The following ADAMTS17 variants were observed in gnomAD, a reference collection of about 807,000 sequenced individuals.
ADAMTS17 encodes the protein ADAM metallopeptidase with thrombospondin type 1 motif 17, also known as A disintegrin and metalloproteinase with thrombospondin motifs 17.
In ADAMTS17, 113 loss-of-function variants were observed where a neutral mutation model predicts 141.5. The ratio of observed to expected loss-of-function variants is 0.80; its 90% CI spans 0.69 to 0.93. The LOEUF (loss-of-function observed/expected upper bound fraction) is 0.93, where lower values mean the gene tolerates loss of function less well. Among genes scored for constraint, ADAMTS17 ranks in the 40% least tolerant of loss-of-function variants. The pLI is 0.00. For missense variants in ADAMTS17, 1,659 were observed against 1,517.9 expected (o/e 1.09, Z -1.54); for synonymous variants, 768 against 630.6 (o/e 1.22, Z -3.27).
At chr15:100,068,546 A>T (rs2033727127) in intron 15 of ADAMTS17, among the ~76,000 whole-genome samples, 1 of 152,178 alleles carries the variant, frequency 6.6e-6, no homozygotes, top group Non-Finnish European at 1.5e-5. Context: ...TATCCCTCTG[A>T]GACAAAACTT....
intron 6 of ADAMTS17, among the ~76,000 whole-genome samples, chr15:100,258,281 A>G (rs1225783998): frequency 2.0e-5 from 3 of 152,186 alleles, no homozygotes; most frequent in African/African-American, 7.2e-5. Flanking sequence ...TGAGTTTTTG[A>G]GGTACCATCA....
In ADAMTS17 at chr15:100,228,575, G is replaced by A. The variant is rs984184610; in HGVS notation, c.1075+25561C>T. Among the ~76,000 whole-genome samples, 6 of 152,340 alleles carry A rather than the reference G, an allele frequency of 3.9e-5. No individual in the cohort carries two copies. In the East Asian group the frequency reaches 1.2e-3, roughly 29 times the overall value. ...AGAGTGAGCAGGTACATTTAGGGCA[G>A]GATGAGGACACAGACCCAGCCCAAG... On this transcript the variant is annotated intron_variant, in intron 7 of 21. Transcript: ENST00000268070.
intron 3 of ADAMTS17, among the ~76,000 whole-genome samples, chr15:100,285,696 C>T (rs1280639745): frequency 6.6e-6 from 1 of 152,206 alleles, no homozygotes; most frequent in African/African-American, 2.4e-5. Context: ...GATCCCATGA[C>T]CCGCACGAAT....
chr15:100,175,713 A>G (rs1416145389), intron 8 of ADAMTS17, among the ~76,000 whole-genome samples: 1 of 150,768 alleles, frequency 6.6e-6, no homozygotes, highest in Admixed American at 6.6e-5. Flanking sequence ...CTCAAATCTC[A>G]CCCTTCCTCA....
At chr15:100,139,908 A>C (rs558020744) in intron 10 of ADAMTS17, among the ~76,000 whole-genome samples, 1 of 152,188 alleles carries the variant, frequency 6.6e-6, no homozygotes, top group Admixed American at 6.5e-5. Context: ...GTGAAATCTA[A>C]ATGTATTTTA....
At chr15:100,178,565 C>G (rs953596864) in intron 8 of ADAMTS17, among the ~76,000 whole-genome samples, 2 of 152,110 alleles carry the variant, frequency 1.3e-5, no homozygotes, top group African/African-American at 4.8e-5. Flanking sequence ...TGTAGTTGTA[C>G]TTTTACCCAT....
At chr15:100,114,550 C>T (rs916553549) in intron 13 of ADAMTS17, among the ~76,000 whole-genome samples, 3 of 152,178 alleles carry the variant, frequency 2.0e-5, no homozygotes, top group Non-Finnish European at 4.4e-5. Context: ...CAGAGCAGGA[C>T]GTGTCGAGCT....
intron 8 of ADAMTS17, among the ~76,000 whole-genome samples, chr15:100,193,196 C>T (rs1175099094): frequency 2.0e-5 from 3 of 152,240 alleles, no homozygotes; most frequent in Non-Finnish European, 4.4e-5. Flanking sequence ...TTCTGCCCGG[C>T]CCATTATTCC....
chr15:100,333,692 T>G (rs2046123399), intron 2 of ADAMTS17, among the ~76,000 whole-genome samples: 1 of 152,172 alleles, frequency 6.6e-6, no homozygotes, highest in African/African-American at 2.4e-5. Context: ...TGAGCAGGGC[T>G]TCTTGGATCT....
chr15:100,101,556 C>T (rs1466287761), intron 14 of ADAMTS17, among the ~76,000 whole-genome samples: 1 of 152,202 alleles, frequency 6.6e-6, no homozygotes, highest in Non-Finnish European at 1.5e-5. Flanking sequence ...GAGTATGTGT[C>T]ATCTCCCTAA....
intron 7 of ADAMTS17, among the ~76,000 whole-genome samples, chr15:100,212,756 A>G (rs1421918814): frequency 3.3e-5 from 5 of 152,094 alleles, no homozygotes; most frequent in African/African-American, 1.2e-4. Flanking sequence ...ACTAACCGAC[A>G]CATAGAAAAC....
intron 18 of ADAMTS17, among the ~76,000 whole-genome samples, chr15:100,030,233 A>G (rs2727176): frequency 0.1 from 15,616 of 152,176 alleles, 2,173 homozygotes; most frequent in African/African-American, 0.32. Context: ...GTGGAAGGAA[A>G]ACACGACTGA....
At position 100,174,569 on chromosome 15, in the gene ADAMTS17, A is replaced by G. The variant is rs571622314; in HGVS notation, c.1182-19249T>C. 1.4e-4 allele frequency among the ~76,000 whole-genome samples: 21 copies of G among 152,328 alleles called. No homozygotes were observed. The East Asian group carries it at 4.0e-3, about 29-fold the overall frequency. ...TAAATATACTTTTGAGGCTCTTCTA[A>G]AGCAATACTTTTTTACCTTAAACAA... On this transcript the variant is annotated intron_variant, in intron 8 of 21. Transcript: ENST00000268070.
chr15:100,205,001 C>T (rs1444358322), intron 7 of ADAMTS17, among the ~76,000 whole-genome samples: 3 of 152,138 alleles, frequency 2.0e-5, no homozygotes, highest in Non-Finnish European at 2.9e-5. Flanking sequence ...TGTTGTAACG[C>T]CATGTGAGCT....
Position 100,219,330 on chromosome 15 carries a change from G to A in ADAMTS17, c.1076-19907C>T, listed in dbSNP as rs1160720362. On this transcript the variant is annotated intron_variant, in intron 7 of 21. Coordinates refer to ENST00000268070, the MANE Select transcript of ADAMTS17 (RefSeq NM_139057.4). The stretch of plus-strand genomic sequence containing the variant: ...AAAACCACTTTAGTACATAGCTTAG[G>A]TAAACTTTATGGTATGCAAATTGTA... Among the ~76,000 whole-genome samples, 6 of 152,118 alleles carry A rather than the reference G, an allele frequency of 3.9e-5. No individual in the cohort carries two copies. The East Asian group carries it at 7.7e-4, about 19-fold the overall frequency.
chr15:100,082,232 A>ATT (rs879911914), intron 15 of ADAMTS17, among the ~76,000 whole-genome samples: 6 of 151,962 alleles, frequency 3.9e-5, no homozygotes, highest in Non-Finnish European at 7.4e-5. Context: ...CGCCCAGCTA[A>ATT]TTTTTGTATT....
chr15:100,016,614 C>A (rs2061294607), intron 18 of ADAMTS17, among the ~76,000 whole-genome samples: 1 of 152,208 alleles, frequency 6.6e-6, no homozygotes, highest in South Asian at 2.1e-4. Flanking sequence ...GTGAGCCGAA[C>A]TGAAGTGATT....
In ADAMTS17 at chr15:100,019,574, G is replaced by C. The variant is rs140015791; in HGVS notation, c.2592-21985C>G. On this transcript the variant is annotated intron_variant, in intron 18 of 21. Coordinates refer to ENST00000268070, the MANE Select transcript of ADAMTS17 (RefSeq NM_139057.4). The stretch of plus-strand genomic sequence containing the variant: ...CGGGCAACTGAACATGTGCTACCCG[G>C]TGTATGACCACACCTGCGCTCCAGC... Among the ~76,000 whole-genome samples, 11 of 152,300 alleles carry C rather than the reference G, an allele frequency of 7.2e-5. No individual in the cohort carries two copies. In the East Asian group the frequency reaches 1.7e-3, roughly 24 times the overall value.
chr15:100,064,810 A>G (rs1189165035), intron 15 of ADAMTS17, among the ~76,000 whole-genome samples: 1 of 152,206 alleles, frequency 6.6e-6, no homozygotes, highest in African/African-American at 2.4e-5. Context: ...TGAGCCTAAC[A>G]TGACGGTGAG....
Sources: allele counts gnomAD v4.1 joint callset (sites outside exome capture counted in the v4.1 genomes callset), GRCh38; gene constraint gnomAD v4.1.1; transcripts MANE v1.5; gene names NCBI Gene and HGNC (gene_info 2026-07-23, HGNC 2026-07-21).